NEU3: variants seen among roughly 807,000 people sequenced by gnomAD.
The protein encoded by NEU3 is neuraminidase 3, also known as sialidase-3.
Under a neutral mutation model 11.4 loss-of-function variants are expected in NEU3, and 10 were observed. The ratio of observed to expected loss-of-function variants is 0.88; its 90% CI spans 0.54 to 1.49. The LOEUF (loss-of-function observed/expected upper bound fraction) is 1.49, where lower values mean the gene tolerates loss of function less well. Among genes scored for constraint, NEU3 ranks in the 40% most tolerant of loss-of-function variants. The probability of loss-of-function intolerance (pLI) is 0.00; values close to 1 mark genes in which losing one functional copy is unlikely to be tolerated. For missense variants in NEU3, 529 were observed against 581.8 expected, an observed-to-expected ratio of 0.91 and a Z score of 0.93; for synonymous variants, 212 against 228.2, an observed-to-expected ratio of 0.93 and a Z score of 0.64.
In NEU3 at chr11:75,006,756, T is replaced by A; in HGVS notation, c.*264T>A. On this transcript the variant is annotated 3_prime_UTR_variant, in exon 3 of 3. Coordinates refer to ENST00000294064, the MANE Select transcript of NEU3 (RefSeq NM_006656.6). ...CCTTGGATGTGTCACCTGAACTCTC[T>A]GGACCTCAGGTTTCCATCTGTAAAA... The A allele has an allele frequency of 2.4e-6, 1 of 411,968 alleles. No individual in the cohort carries two copies. The highest frequency in any genetic ancestry group is 2.0e-5 in the African/African-American group (1 of 49,324). 25.5% of individuals were successfully genotyped at this position (411,968 alleles called of 1,614,324 possible).
chr11:74,986,197 TTAAACA>T (rs35353023), upstream of NEU3, among the ~76,000 whole-genome samples: 8,468 of 152,340 alleles, frequency 0.056, 313 homozygotes, highest in South Asian at 0.23. Context: ...CTGTATACTG[TTAAACA>T]TGACAGTTTA....
chr11:75,002,266 T>C (rs12787292), intron 2 of NEU3, among the ~76,000 whole-genome samples: 2 of 152,240 alleles, frequency 1.3e-5, no homozygotes, highest in Non-Finnish European at 2.9e-5. Flanking sequence ...TTGCCCAAGT[T>C]GATCTCAAAC....
At chr11:75,018,526 G>C (rs1948990345) in intron 3 of NEU3, among the ~76,000 whole-genome samples, 1 of 152,148 alleles carries the variant, frequency 6.6e-6, no homozygotes, top group Non-Finnish European at 1.5e-5. Context: ...CTTGCTGAAT[G>C]CTTCCTACCC....
chr11:75,000,514 T>A (rs182076289), intron 2 of NEU3, among the ~76,000 whole-genome samples: 28 of 152,338 alleles, frequency 1.8e-4, no homozygotes, highest in African/African-American at 6.7e-4. Flanking sequence ...TTATTTCACT[T>A]ATATAATGTC....
downstream of NEU3, among the ~76,000 whole-genome samples, chr11:75,012,789 A>G (rs1948964356): frequency 6.6e-6 from 1 of 152,204 alleles, no homozygotes; most frequent in South Asian, 2.1e-4. Flanking sequence ...AAAAGTAGCA[A>G]CGAGCACTGT....
the NEU3 span, among the ~76,000 whole-genome samples, chr11:74,982,711 A>G: frequency 1.6e-3 from 246 of 152,176 alleles, 1 homozygote; most frequent in Middle Eastern, 3.4e-3. Flanking sequence ...GCCAAATACC[A>G]TGGGGCAGAT....
chr11:75,017,216 A>G (rs531121937), intron 3 of NEU3, among the ~76,000 whole-genome samples: 3 of 152,334 alleles, frequency 2.0e-5, no homozygotes, highest in South Asian at 4.1e-4. Context: ...TGCTTCAGGC[A>G]TTCCAAATGG....
At chr11:74,981,802 G>T in the NEU3 span, among the ~76,000 whole-genome samples, 1 of 152,194 alleles carries the variant, frequency 6.6e-6, no homozygotes, top group Non-Finnish European at 1.5e-5. Context: ...TCATGGGCTG[G>T]ATTAGGGGAT....
intron 2 of NEU3, among the ~76,000 whole-genome samples, chr11:75,002,293 A>T (rs1314003407): frequency 2.6e-5 from 4 of 152,214 alleles, no homozygotes; most frequent in African/African-American, 9.7e-5. Context: ...CCTCAGGCAA[A>T]TGGCTCTGAG....
At position 75,005,908 on chromosome 11, in the gene NEU3, G is replaced by T; in HGVS notation, c.802G>T (p.Ala268Ser). 2 of 1,613,518 alleles carry T rather than the reference G, an allele frequency of 1.2e-6. No individual in the cohort carries two copies. Among genetic ancestry groups the T allele is most frequent in the Middle Eastern group, 1.6e-4 (1 of 6,062 alleles). Residue 268 changes from alanine to serine, a missense_variant, in exon 3 of 3, where the codon GCT becomes TCT. Ala to Ser is a moderately conservative substitution (Grantham distance 99). Transcript: ENST00000294064. ...ECEVAEVTGR[A>S]GHPVLYCSAR... Reference sequence around the variant, plus strand: ...TGAAGTGGCAGAGGTGACTGGGAGGGCTGGCCACCCTGTGCTATATTGCAG... The same window carrying T: ...TGAAGTGGCAGAGGTGACTGGGAGGTCTGGCCACCCTGTGCTATATTGCAG...
chr11:74,998,581 C>T (rs1948815186), intron 2 of NEU3, among the ~76,000 whole-genome samples: 1 of 152,136 alleles, frequency 6.6e-6, no homozygotes, highest in African/African-American at 2.4e-5. Flanking sequence ...GCTTTTTTAC[C>T]TACAGATGTC....
intron 2 of NEU3, among the ~76,000 whole-genome samples, chr11:74,997,912 A>C (rs1948808068): frequency 6.6e-6 from 1 of 152,186 alleles, no homozygotes; most frequent in African/African-American, 2.4e-5. Context: ...GCTGTTTGGC[A>C]CAAGAGGCCT....
downstream of NEU3, among the ~76,000 whole-genome samples, chr11:75,012,742 A>ATTCT (rs1284930372): frequency 3.3e-5 from 5 of 152,212 alleles, no homozygotes; most frequent in African/African-American, 1.2e-4. Flanking sequence ...GGAGTAATGA[A>ATTCT]TTCTTTAAGC....
At position 75,002,990 on chromosome 11, in the gene NEU3, T is replaced by C. The variant is rs555120232; in HGVS notation, c.307-2423T>C. 2.2e-4 allele frequency among the ~76,000 whole-genome samples: 34 copies of C among 152,354 alleles called. No homozygotes were observed. In the South Asian group the frequency reaches 6.8e-3, roughly 31 times the overall value. The stretch of plus-strand genomic sequence containing the variant: ...GTTGTTGGATACTTGGGTTAGTTAT[T>C]ATAAGTATAGATTATACTGCTGTGA... On this transcript the variant is annotated intron_variant, in intron 2 of 2. Transcript: ENST00000294064.
downstream of NEU3, among the ~76,000 whole-genome samples, chr11:75,014,386 C>G (rs1948972517): frequency 6.6e-6 from 1 of 152,076 alleles, no homozygotes; most frequent in African/African-American, 2.4e-5. Context: ...TCTGCCTTTC[C>G]CCACTATGGG....
chr11:75,006,425 T>A lies in NEU3; in HGVS notation c.1319T>A (p.Ile440Asn), dbSNP rs1223954674. The A allele has an allele frequency of 1.2e-6, 2 of 1,613,764 alleles. No homozygotes were observed. The highest frequency in any genetic ancestry group is 2.7e-5 in the African/African-American group (2 of 74,860). The change falls in exon 3 of 3, where the codon ATC becomes AAC. Residue 440 changes from isoleucine to asparagine, a missense_variant. Coordinates refer to ENST00000294064, the MANE Select transcript of NEU3 (RefSeq NM_006656.6). ...TTCCGCCTGTTTACACACCGGGAGA[T>A]CCTGAGTCACCTGCAGGGGGACTGC... ...IAFRLFTHREILSHLQGDCTS... is the reference protein window; with the variant it reads ...IAFRLFTHRENLSHLQGDCTS...
chr11:74,992,908 C>T lies in NEU3; in HGVS notation c.95-1601C>T, dbSNP rs1466310372. ...CCAGGAGGTGGAGGTTGCAGTGAGC[C>T]GAGCTCACACCATTGCACTCAAGCC... On this transcript the variant is annotated intron_variant, in intron 1 of 2. Transcript: ENST00000294064. Among the ~76,000 whole-genome samples the T allele has an allele frequency of 2.6e-5, 4 of 151,824 alleles. No individual in the cohort carries two copies. In the East Asian group the frequency reaches 7.7e-4, roughly 29 times the overall value.
intron 1 of NEU3, among the ~76,000 whole-genome samples, chr11:74,992,685 C>G (rs1948745542): frequency 6.6e-6 from 1 of 152,142 alleles, no homozygotes; most frequent in Admixed American, 6.5e-5. Flanking sequence ...GCCGGCCGGG[C>G]ACGGTGGCTC....
At chr11:75,017,644 G>A (rs1948986935) in intron 3 of NEU3, among the ~76,000 whole-genome samples, 1 of 152,282 alleles carries the variant, frequency 6.6e-6, no homozygotes, top group South Asian at 2.1e-4. Flanking sequence ...CTTCTTTGGG[G>A]ATATTGGGGC....
Sources: gnomAD v4.1 joint callset for allele counts (sites outside exome capture counted in the v4.1 genomes callset) on GRCh38, gnomAD v4.1.1 for gene constraint, MANE v1.5 for transcripts, NCBI Gene and HGNC (gene_info 2026-07-23, HGNC 2026-07-21) for gene names.